SLC2A5: variants seen among roughly 807,000 people sequenced by gnomAD.
SLC2A5 encodes solute carrier family 2, facilitated glucose transporter member 5.
In SLC2A5, 56 loss-of-function variants were observed where a neutral mutation model predicts 50.3. The ratio of observed to expected loss-of-function variants is 1.11; its 90% CI spans 0.90 to 1.39. The LOEUF is 1.39. Among genes scored for constraint, SLC2A5 ranks in the 40% most tolerant of loss-of-function variants. The pLI is 0.00. For missense variants in SLC2A5, 566 were observed against 650.1 expected (o/e 0.87, Z 1.41); for synonymous variants, 269 against 281.9 (o/e 0.95, Z 0.46).
rs148873763 is a variant in SLC2A5, at chr1:9,039,898, T to C, written c.787A>G (p.Ile263Val). 1.3e-3 allele frequency: 2,035 copies of C among 1,612,730 alleles called. 3 individuals are homozygous for C. Among genetic ancestry groups the C allele is most frequent in the Non-Finnish European group, 1.6e-3 (1,902 of 1,179,872 alleles). The change falls in exon 7 of 12, where the codon ATC (isoleucine) becomes GTC (valine). Residue 263 changes from isoleucine to valine, a missense_variant. Ile to Val is a conservative substitution (Grantham distance 29). Transcript: ENST00000377424. ...ATCCGGAACAGCTTCAGCACGGAGATGAAGCCCGCGGCCTTCTCTGCCTCA... is the reference window on the plus strand; with the variant it reads ...ATCCGGAACAGCTTCAGCACGGAGACGAAGCCCGCGGCCTTCTCTGCCTCA... ...EDEAEKAAGFISVLKLFRMRS... is the reference protein window; with the variant it reads ...EDEAEKAAGFVSVLKLFRMRS...
At position 9,081,468 on chromosome 1, in the gene SLC2A5, TA is replaced by T. The variant is rs34557003; in HGVS notation, c.-59+3545del. Among the ~76,000 whole-genome samples the T allele has an allele frequency of 5.8e-3, 597 of 102,464 alleles. 2 individuals carry two copies. Among genetic ancestry groups the T allele is most frequent in the African/African-American group, 0.017 (442 of 26,070 alleles). 67.2% of individuals were successfully genotyped at this position (102,464 alleles called of 152,430 possible). A position where few individuals can be genotyped will look rare whatever the true frequency, so the allele number is the denominator to read the frequency against. Reference sequence around the variant, plus strand: ...GGCAATGGAGGTAGACTCCTTCTCTTAAAAAAAAAAAAAAAAAAAAAGTAAA... The same window carrying T: ...GGCAATGGAGGTAGACTCCTTCTCTTAAAAAAAAAAAAAAAAAAAAGTAAA... On this transcript the variant is annotated intron_variant, in intron 2 of 5. Transcript: ENST00000464985.
chr1:9,041,546 A>G (rs1641301599), intron 5 of SLC2A5: 8 of 1,364,124 alleles, frequency 5.9e-6, no homozygotes, highest in Middle Eastern at 2.1e-4. Flanking sequence ...ACTCAAAGCC[A>G]CCTCATCCAT....
chr1:9,040,614 CAG>C lies in SLC2A5; in HGVS notation c.572-427_572-426del, dbSNP rs1394310807. ...CTGATTACAGAAAGGACACCAGAAA[CAG>C]TGGGAATATCGTTAACATTCCACAT... is the stretch of plus-strand genomic sequence containing the variant. On this transcript the variant is annotated intron_variant, in intron 5 of 11. Transcript: ENST00000377424. The surrounding 1 kb of genome is among the most constrained non-coding windows in gnomAD (Gnocchi z 4.3). The C allele has an allele frequency of 5.7e-6, 1 of 174,302 alleles. No homozygotes were observed. The highest frequency in any genetic ancestry group is 1.7e-4 in the East Asian group (1 of 5,848). 10.8% of individuals were successfully genotyped at this position (174,302 alleles called of 1,614,324 possible).
At position 9,040,154 on chromosome 1, in the gene SLC2A5, C is replaced by T; in HGVS notation, c.607G>A (p.Ala203Thr). Reference protein sequence around the residue: ...PILLGLTGVPAALQLLLLPFF... With the variant: ...PILLGLTGVPTALQLLLLPFF... ...GGCAGCAGAAGGAGCTGCAGCGCCGCGGGGACCCCGGTCAGCCCCAGCAGG... is the reference window on the plus strand; with the variant it reads ...GGCAGCAGAAGGAGCTGCAGCGCCGTGGGGACCCCGGTCAGCCCCAGCAGG... Residue 203 changes from alanine to threonine, a missense_variant, in exon 6 of 12, where the codon GCG (alanine) becomes ACG (threonine). Transcript: ENST00000377424. This position sits in a 1 kb window ranked among gnomAD's most constrained non-coding sequence, Gnocchi z 4.3. The T allele has an allele frequency of 6.4e-7, 1 of 1,561,904 alleles. No homozygotes were observed. The highest frequency in any genetic ancestry group is 8.7e-7 in the Non-Finnish European group (1 of 1,154,152).
chr1:9,053,570 TTATA>T (rs1307520998), intron 3 of SLC2A5, among the ~76,000 whole-genome samples: 1 of 116,984 alleles, frequency 8.5e-6, no homozygotes, highest in East Asian at 2.1e-4. Flanking sequence ...TTATATATAT[TTATA>T]TATATATTTT....
intron 2 of SLC2A5, among the ~76,000 whole-genome samples, chr1:9,074,932 A>G (rs1190585702): frequency 1.3e-5 from 2 of 152,098 alleles, no homozygotes; most frequent in African/African-American, 2.4e-5. Context: ...CTGAGGCAGA[A>G]GAATTGCTTG....
chr1:9,081,189 G>A (rs1327181629), intron 2 of SLC2A5, among the ~76,000 whole-genome samples: 1 of 150,314 alleles, frequency 6.7e-6, no homozygotes, highest in Admixed American at 6.7e-5. Context: ...GAGCCTGACT[G>A]GTCAGGGCTG....
chr1:9,064,775 G>C (rs1404213468), intron 1 of SLC2A5, among the ~76,000 whole-genome samples: 1 of 152,188 alleles, frequency 6.6e-6, no homozygotes, highest in African/African-American at 2.4e-5. Context: ...ATGTAGGCCA[G>C]GCGCGGTGGC....
At chr1:9,081,279 ACCC>A (rs66786949) in intron 2 of SLC2A5, among the ~76,000 whole-genome samples, 4,138 of 93,328 alleles carry the variant, frequency 0.044, 313 homozygotes, top group East Asian at 0.35. Context: ...AAAAAAAAAA[ACCC>A]CAAAAAAAAA....
In SLC2A5 at chr1:9,069,469, T is replaced by C. The variant is rs754465646; in HGVS notation, c.33+35A>G. 4 of 1,611,712 alleles carry C rather than the reference T, an allele frequency of 2.5e-6. No individual in the cohort carries two copies. The African/African-American group carries it at 5.3e-5, about 22-fold the overall frequency. ...CTGCACAGGCCCTGGCAGCCAAGCC[T>C]GCTCTTGGCCCCTTTCCCTGAGCAA... On this transcript the variant is annotated intron_variant, in intron 1 of 11. Transcript: ENST00000377424.
intron 4 of SLC2A5, among the ~76,000 whole-genome samples, chr1:9,043,910 C>T (rs1250923072): frequency 1.3e-5 from 2 of 151,436 alleles, no homozygotes; most frequent in African/African-American, 4.8e-5. Flanking sequence ...TTAGTAGAGA[C>T]GGGGTTTCAC....
intron 3 of SLC2A5, among the ~76,000 whole-genome samples, chr1:9,049,507 A>T (rs1641516988): frequency 6.6e-6 from 1 of 151,478 alleles, no homozygotes; most frequent in African/African-American, 2.4e-5. Flanking sequence ...GCGGCATCAC[A>T]TGAAGTCAGG....
chr1:9,042,021 A>G (rs374056045), intron 4 of SLC2A5, 84 bp from the exon 5 acceptor site: 5 of 1,448,520 alleles, frequency 3.5e-6, no homozygotes, highest in South Asian at 3.1e-5. Flanking sequence ...ATTCTTAGCA[A>G]TAACATTATT....
intron 2 of SLC2A5, among the ~76,000 whole-genome samples, chr1:9,079,106 C>T (rs1385920234): frequency 1.3e-5 from 2 of 152,144 alleles, no homozygotes; most frequent in Non-Finnish European, 2.9e-5. Context: ...GCCGCCGGAA[C>T]CCAAGTCTGC....
At chr1:9,076,359 C>G (rs1458386443) in intron 2 of SLC2A5, among the ~76,000 whole-genome samples, 1 of 152,154 alleles carries the variant, frequency 6.6e-6, no homozygotes. Context: ...GAGATCTGCC[C>G]TAGCTGCTGT....
At chr1:9,073,640 G>A (rs6658278), upstream of SLC2A5, among the ~76,000 whole-genome samples, 31,285 of 152,182 alleles carry the variant, frequency 0.21, 3,475 homozygotes, top group East Asian at 0.45. Flanking sequence ...CTCACTGGTA[G>A]AACTATTAAA....
At chr1:9,061,620 T>A (rs765616) in intron 1 of SLC2A5, among the ~76,000 whole-genome samples, 49,921 of 143,580 alleles carry the variant, frequency 0.35, 8,699 homozygotes, top group African/African-American at 0.45. Context: ...AAAAAAAAAA[T>A]TCTTTTCTAA....
upstream of SLC2A5, among the ~76,000 whole-genome samples, chr1:9,073,826 G>A (rs56991466): frequency 0.039 from 5,900 of 152,282 alleles, 380 homozygotes; most frequent in African/African-American, 0.13. Context: ...GGTGGCTCAC[G>A]CCTGTAATCC....
At chr1:9,060,428 T>G (rs146754697) in intron 1 of SLC2A5, among the ~76,000 whole-genome samples, 1,533 of 97,230 alleles carry the variant, frequency 0.016, 22 homozygotes, top group South Asian at 0.079. Flanking sequence ...CACCCCCACA[T>G]GCCTCCAGTA....
Sources: gnomAD v4.1 joint callset for allele counts (sites outside exome capture counted in the v4.1 genomes callset) on GRCh38, gnomAD v4.1.1 for gene constraint, Gnocchi (gnomAD v3.1) non-coding constraint, MANE v1.5 for transcripts, NCBI Gene and HGNC (gene_info 2026-07-23, HGNC 2026-07-21) for gene names.